Variants in INPP4B observed in about 807,000 individuals in gnomAD.
INPP4B encodes the protein inositol polyphosphate-4-phosphatase type II B, also known as inositol polyphosphate 4-phosphatase type II.
Under a neutral mutation model 122.5 loss-of-function variants are expected in INPP4B, and 55 were observed. That is an observed-to-expected ratio of 0.45 (90% CI 0.36 to 0.56). The LOEUF is 0.56. Among genes scored for constraint, INPP4B ranks in the 20% least tolerant of loss-of-function variants. The pLI, the probability that INPP4B is intolerant of heterozygous loss-of-function variation, is 0.00. For missense variants in INPP4B, 1,000 were observed against 1,097.7 expected, an observed-to-expected ratio of 0.91 and a Z score of 1.26; for synonymous variants, 403 against 388.7, an observed-to-expected ratio of 1.04 and a Z score of -0.43.
intron 2 of INPP4B, among the ~76,000 whole-genome samples, chr4:142,539,907 G>A (rs186040477): frequency 1.2e-3 from 182 of 152,064 alleles, no homozygotes; most frequent in Middle Eastern, 3.4e-3. Context: ...TTAGTGAAAC[G>A]AACAATTGCA....
intron 2 of INPP4B, among the ~76,000 whole-genome samples, chr4:142,469,763 T>A (rs1265008236): frequency 6.6e-6 from 1 of 152,118 alleles, no homozygotes; most frequent in Non-Finnish European, 1.5e-5. Flanking sequence ...AGGGACAATA[T>A]AATTCCTTCA....
intron 1 of INPP4B, among the ~76,000 whole-genome samples, chr4:142,771,280 G>A (rs1773022523): frequency 6.6e-6 from 1 of 152,084 alleles, no homozygotes; most frequent in Non-Finnish European, 1.5e-5. Context: ...AGATTAAGTG[G>A]GCCATTGGAT....
At position 142,028,270 on chromosome 4, in the gene INPP4B, T is replaced by A. The variant is rs1737654472; in HGVS notation, c.*512A>T. On this transcript the variant is annotated 3_prime_UTR_variant, in exon 26 of 26. Coordinates refer to ENST00000262992, the MANE Select transcript of INPP4B (RefSeq NM_001101669.3). ...CTGCAAACTGCCTCAGTATTCCAGA[T>A]CATGAGTTAACTCTACCTAATTGAG... The A allele has an allele frequency of 4.4e-6, 1 of 227,132 alleles. No individual in the cohort carries two copies. Among genetic ancestry groups the A allele is most frequent in the Non-Finnish European group, 8.8e-6 (1 of 114,266 alleles). 14.1% of individuals were successfully genotyped at this position (227,132 alleles called of 1,614,324 possible).
chr4:142,203,921 C>T lies in INPP4B; in HGVS notation c.1072+4504G>A, dbSNP rs548738995. ...TAGCCCATCTTACTTGCATTATTAC[C>T]TTGCAATAATAATTCAGCTAAACAT... On this transcript the variant is annotated intron_variant, in intron 14 of 25. Coordinates refer to ENST00000262992, the MANE Select transcript of INPP4B (RefSeq NM_001101669.3). Among the ~76,000 whole-genome samples the T allele has an allele frequency of 9.2e-5, 14 of 152,138 alleles. No individual in the cohort carries two copies. The East Asian group carries it at 2.7e-3, about 29-fold the overall frequency.
intron 15 of INPP4B, among the ~76,000 whole-genome samples, chr4:142,177,151 T>A (rs1828703272): frequency 6.6e-6 from 1 of 152,154 alleles, no homozygotes; most frequent in Non-Finnish European, 1.5e-5. Context: ...GTTGTTCTGA[T>A]GAAGTCTTTT....
chr4:142,373,985 A>C lies in INPP4B; in HGVS notation c.372+28953T>G, dbSNP rs539195334. 2.0e-5 allele frequency among the ~76,000 whole-genome samples: 3 copies of C among 152,064 alleles called. No individual in the cohort carries two copies. The South Asian group carries it at 6.2e-4, about 31-fold the overall frequency. ...TGACAGGCACTCTACCAGAAGCTTA[A>C]GGAGTCAGTAATTAGACCATATAAA... On this transcript the variant is annotated intron_variant, in intron 7 of 25. Coordinates refer to ENST00000262992, the MANE Select transcript of INPP4B (RefSeq NM_001101669.3).
chr4:142,431,159 A>T lies in INPP4B; in HGVS notation c.91+10T>A, dbSNP rs374317547. ...GATGCAAAAACAGGGAGGGATACAC[A>T]CATACTTACTTGTGAACTGACAGTC... On this transcript the variant is annotated intron_variant, in intron 4 of 25. Coordinates refer to ENST00000262992, the MANE Select transcript of INPP4B (RefSeq NM_001101669.3). The T allele has an allele frequency of 1.9e-6, 3 of 1,607,180 alleles. No individual in the cohort carries two copies. The highest frequency in any genetic ancestry group is 2.6e-6 in the Non-Finnish European group (3 of 1,174,166).
At chr4:142,051,963 C>T (rs1373671055) in intron 25 of INPP4B, among the ~76,000 whole-genome samples, 1 of 151,896 alleles carries the variant, frequency 6.6e-6, no homozygotes, top group Non-Finnish European at 1.5e-5. Flanking sequence ...ATGTGGATTC[C>T]TTATAGTTAT....
At chr4:142,173,545 C>G in intron 16 of INPP4B, 87 bp downstream of exon 16, 1 of 1,089,348 alleles carries the variant, frequency 9.2e-7, no homozygotes. Context: ...TTTCCAGATG[C>G]TATGAATGGC....
intron 9 of INPP4B, among the ~76,000 whole-genome samples, chr4:142,297,492 T>C (rs1347762788): frequency 6.6e-6 from 1 of 152,132 alleles, no homozygotes; most frequent in Non-Finnish European, 1.5e-5. Flanking sequence ...ATGAGTGAGT[T>C]CTTGCAAGAT....
chr4:142,568,037 G>C (rs1170795193), intron 2 of INPP4B, among the ~76,000 whole-genome samples: 1 of 152,148 alleles, frequency 6.6e-6, no homozygotes, highest in Non-Finnish European at 1.5e-5. Flanking sequence ...TACAGTTCCA[G>C]AGCTAAACTG....
chr4:142,650,546 A>G (rs532458487), intron 2 of INPP4B, among the ~76,000 whole-genome samples: 1 of 152,188 alleles, frequency 6.6e-6, no homozygotes, highest in Non-Finnish European at 1.5e-5. Flanking sequence ...GGAAAGTAAA[A>G]AAAAAAAAGG....
chr4:142,796,432 A>G (rs1363996815), intron 1 of INPP4B, among the ~76,000 whole-genome samples: 1 of 152,002 alleles, frequency 6.6e-6, no homozygotes, highest in Admixed American at 6.6e-5. Flanking sequence ...ATAAAACAGA[A>G]GAGAAGACAC....
At chr4:142,599,455 G>T (rs934315956) in intron 2 of INPP4B, among the ~76,000 whole-genome samples, 6 of 152,114 alleles carry the variant, frequency 3.9e-5, no homozygotes, top group African/African-American at 1.2e-4. Flanking sequence ...CAGAGAATAT[G>T]CTATGGCACA....
intron 11 of INPP4B, among the ~76,000 whole-genome samples, chr4:142,254,170 A>C (rs1188733371): frequency 2.6e-5 from 4 of 152,164 alleles, no homozygotes; most frequent in East Asian, 1.9e-4. Flanking sequence ...AAACTAACAA[A>C]CAGAAAGGAC....
chr4:142,243,300 A>G, intron 11 of INPP4B, among the ~76,000 whole-genome samples: 1 of 152,086 alleles, frequency 6.6e-6, no homozygotes, highest in East Asian at 1.9e-4. Context: ...TGAAGCATTT[A>G]AAGTCATCTA....
chr4:142,052,842 T>G (rs1314241607), intron 25 of INPP4B, among the ~76,000 whole-genome samples: 1 of 152,030 alleles, frequency 6.6e-6, no homozygotes. Context: ...CTATTCTACT[T>G]CAGCAATTCT....
At chr4:142,273,425 T>C (rs950512514) in intron 9 of INPP4B, among the ~76,000 whole-genome samples, 2 of 151,952 alleles carry the variant, frequency 1.3e-5, no homozygotes, top group African/African-American at 4.8e-5. Flanking sequence ...CAATGCTTAC[T>C]GGGGATACAA....
intron 2 of INPP4B, among the ~76,000 whole-genome samples, chr4:142,634,339 C>A (rs1271518126): frequency 6.6e-6 from 1 of 152,068 alleles, no homozygotes; most frequent in Non-Finnish European, 1.5e-5. Context: ...TTTTCAAATT[C>A]TTCACTTTTT....
Sources: gnomAD v4.1 joint callset for allele counts (sites outside exome capture counted in the v4.1 genomes callset) on GRCh38, gnomAD v4.1.1 for gene constraint, MANE v1.5 for transcripts, NCBI Gene and HGNC (gene_info 2026-07-23, HGNC 2026-07-21) for gene names.